The following SLC26A3 variants were observed in gnomAD, a reference collection of about 807,000 sequenced individuals.
The protein encoded by SLC26A3 is solute carrier family 26 member 3.
Under a neutral mutation model 85.6 loss-of-function variants are expected in SLC26A3, and 64 were observed. The ratio of observed to expected loss-of-function variants is 0.75; its 90% CI spans 0.61 to 0.92. SLC26A3 has a LOEUF of 0.92. Among genes scored for constraint, SLC26A3 ranks in the 40% least tolerant of loss-of-function variants. SLC26A3 has a pLI of 0.00. For synonymous variants in SLC26A3, 349 were observed against 336.0 expected (o/e 1.04, Z -0.42); for missense variants, 922 against 927.3 (o/e 0.99, Z 0.07).
intron 12 of SLC26A3, among the ~76,000 whole-genome samples, chr7:107,779,147 T>C (rs1489258045): frequency 6.6e-6 from 1 of 152,206 alleles, no homozygotes; most frequent in Non-Finnish European, 1.5e-5. Context: ...AGTTTACTAG[T>C]TATGATCTTT....
chr7:107,783,392 ATTTATAAAC>A, intron 8 of SLC26A3, 40 bp from the exon 9 acceptor site: 1 of 1,610,702 alleles, frequency 6.2e-7, no homozygotes, highest in Non-Finnish European at 8.5e-7. Flanking sequence ...TCACCAACCA[ATTTATAAAC>A]TGATATAACC....
At chr7:107,788,131 TTGGAATACCTC>T (rs1240793709) in intron 6 of SLC26A3, among the ~76,000 whole-genome samples, 4 of 152,152 alleles carry the variant, frequency 2.6e-5, no homozygotes, top group African/African-American at 9.7e-5. Flanking sequence ...CACTCCACTT[TTGGAATACCTC>T]TGGATGAAAG....
chr7:107,770,144 C>T (rs1375872760), intron 18 of SLC26A3, among the ~76,000 whole-genome samples: 11 of 46,020 alleles, frequency 2.4e-4, no homozygotes, highest in Admixed American at 4.9e-4. Context: ...TTCTCTCTTT[C>T]TTTTCTTTCT....
Position 107,794,568 on chromosome 7 carries a change from T to A in SLC26A3, c.-59A>T. ...ACCTTTGCAACTATGTGGTGAACAC[T>A]TCTTCTTGCCTTTAGCAGGTTAAAA... On this transcript the variant is annotated 5_prime_UTR_variant, in exon 2 of 21. In the 5' UTR this introduces an upstream ATG that the reference lacks. Transcript: ENST00000340010. The A allele has an allele frequency of 6.2e-7, 1 of 1,602,058 alleles. No individual in the cohort carries two copies. The highest frequency in any genetic ancestry group is 8.6e-7 in the Non-Finnish European group (1 of 1,169,336).
intron 12 of SLC26A3, 138 bp from the exon 13 acceptor site, chr7:107,778,419 A>C: frequency 1.6e-6 from 1 of 619,838 alleles, no homozygotes; most frequent in Non-Finnish European, 2.8e-6. Flanking sequence ...AAAATTTAAA[A>C]ATTTGCCAGA....
chr7:107,787,581 CAAATAA>C, intron 6 of SLC26A3, 72 bp from the exon 7 acceptor site: 1 of 1,317,034 alleles, frequency 7.6e-7, no homozygotes, highest in Non-Finnish European at 1.1e-6. Context: ...CATCTCCAAA[CAAATAA>C]AAATAAACAT....
At chr7:107,794,883 C>G (rs1227867724) in intron 1 of SLC26A3, among the ~76,000 whole-genome samples, 1 of 152,166 alleles carries the variant, frequency 6.6e-6, no homozygotes, top group Non-Finnish European at 1.5e-5. Context: ...GCAAGATATT[C>G]TCATCAACTT....
At chr7:107,771,753 G>A (rs1794034127) in intron 18 of SLC26A3, among the ~76,000 whole-genome samples, 1 of 152,144 alleles carries the variant, frequency 6.6e-6, no homozygotes, top group Non-Finnish European at 1.5e-5. Flanking sequence ...GGGAAGGGAG[G>A]AAGAGAGACA....
At chr7:107,785,892 A>T (rs1216290024) in intron 8 of SLC26A3, among the ~76,000 whole-genome samples, 1 of 151,616 alleles carries the variant, frequency 6.6e-6, no homozygotes, top group Non-Finnish European at 1.5e-5. Context: ...GAAGTCTTTT[A>T]AAAAAACAAA....
chr7:107,770,733 A>AT (rs1297194008), intron 18 of SLC26A3, among the ~76,000 whole-genome samples: 2 of 152,206 alleles, frequency 1.3e-5, no homozygotes, highest in African/African-American at 4.8e-5. Flanking sequence ...TAGGTATTCA[A>AT]TAAGTCTTTA....
chr7:107,788,784 C>CTTTTTTTTTTTTTTTTT (rs71861759), intron 6 of SLC26A3, among the ~76,000 whole-genome samples: 14 of 108,004 alleles, frequency 1.3e-4, no homozygotes, highest in East Asian at 2.8e-4. Context: ...TTTTTCTTTT[C>CTTTTTTTTTTTTTTTTT]TTTTTTTTTT....
At chr7:107,766,837 T>C (rs947760558) in intron 20 of SLC26A3, among the ~76,000 whole-genome samples, 8 of 152,092 alleles carry the variant, frequency 5.3e-5, no homozygotes, top group East Asian at 1.9e-4. Context: ...TCACTTGGTA[T>C]GTGACCTCAA....
chr7:107,782,850 T>C lies in SLC26A3; in HGVS notation c.1258A>G (p.Ile420Val), dbSNP rs767357038. The change falls in exon 11 of 21, where the codon ATC becomes GTC. Residue 420 changes from isoleucine to valine, a missense_variant. Ile to Val is a conservative substitution (Grantham distance 29). Coordinates refer to ENST00000340010, the MANE Select transcript of SLC26A3 (RefSeq NM_000111.3). ...TQIAGLIGAI[I>V]VLIVVLAIGF... ...ATGGCTAGAACGACAATCAGCACGA[T>C]GATGGCACCAATAAGCCCAGCAATC... 5 of 1,614,156 alleles carry C rather than the reference T, an allele frequency of 3.1e-6. No individual in the cohort carries two copies. The East Asian group carries it at 1.1e-4, about 36-fold the overall frequency.
At chr7:107,770,594 C>G (rs1444426182) in intron 18 of SLC26A3, among the ~76,000 whole-genome samples, 1 of 152,116 alleles carries the variant, frequency 6.6e-6, no homozygotes, top group African/African-American at 2.4e-5. Flanking sequence ...TAGCACTTAT[C>G]ACTACCTGAA....
intron 1 of SLC26A3, among the ~76,000 whole-genome samples, chr7:107,798,343 T>C (rs1039565951): frequency 6.6e-6 from 1 of 152,120 alleles, no homozygotes; most frequent in Non-Finnish European, 1.5e-5. Flanking sequence ...TTGATATTTC[T>C]AGGGATTGTC....
rs2115843238 is a variant in SLC26A3 at position 107,782,777 on chromosome 7, C to T, written c.1311+20G>A. On this transcript the variant is annotated intron_variant, in intron 11 of 20. Coordinates refer to ENST00000340010, the MANE Select transcript of SLC26A3 (RefSeq NM_000111.3). ...TGATTTACCACTAAAAGTAGAGATG[C>T]TATCCAAAGACAGTGTTACCTTTTG... is the stretch of plus-strand genomic sequence containing the variant. 2 of 1,608,110 alleles carry T rather than the reference C, an allele frequency of 1.2e-6. No homozygotes were observed. The highest frequency in any genetic ancestry group is 1.7e-6 in the Non-Finnish European group (2 of 1,174,594).
chr7:107,773,423 C>A (rs997518555), intron 17 of SLC26A3, among the ~76,000 whole-genome samples: 31 of 152,244 alleles, frequency 2.0e-4, no homozygotes, highest in Middle Eastern at 3.4e-3. Context: ...AATATAGTAC[C>A]CAGTCTCATG....
intron 1 of SLC26A3, among the ~76,000 whole-genome samples, chr7:107,796,824 G>C (rs1181955413): frequency 6.6e-6 from 1 of 151,678 alleles, no homozygotes; most frequent in Non-Finnish European, 1.5e-5. Context: ...ACTTCTGTCA[G>C]ATGCTGCTAT....
At chr7:107,786,967 T>C (rs907929982) in intron 7 of SLC26A3, 58 bp from the exon 8 acceptor site, 21 of 1,453,436 alleles carry the variant, frequency 1.4e-5, no homozygotes, top group Middle Eastern at 1.7e-4. Flanking sequence ...GAGTCTTGCT[T>C]TGAAGAAAAA....
Sources: gnomAD v4.1 joint callset for allele counts (sites outside exome capture counted in the v4.1 genomes callset) on GRCh38, gnomAD v4.1.1 for gene constraint, MANE v1.5 for transcripts, NCBI Gene and HGNC (gene_info 2026-07-23, HGNC 2026-07-21) for gene names.